Variants in CLSTN2 observed in about 807,000 individuals in gnomAD.
The protein encoded by CLSTN2 is calsyntenin-2.
CLSTN2 carries 48 observed loss-of-function variants against 101.2 expected under a neutral mutation model. The observed-to-expected ratio is 0.47, with a 90% CI of 0.38 to 0.60. The LOEUF (loss-of-function observed/expected upper bound fraction) is 0.60. CLSTN2 is among the 20% of genes least tolerant of loss of function. CLSTN2 has a pLI of 0.00. For missense variants in CLSTN2, 1,160 were observed against 1,238.2 expected (o/e 0.94, Z 0.95); for synonymous variants, 481 against 463.6 (o/e 1.04, Z -0.48).
chr3:140,134,840 A>T (rs2009577945), intron 1 of CLSTN2, among the ~76,000 whole-genome samples: 2 of 151,948 alleles, frequency 1.3e-5, no homozygotes, highest in Non-Finnish European at 2.9e-5. Context: ...CATCATATTC[A>T]TCAAGAGCTT....
At chr3:140,046,974 C>A (rs1218008236) in intron 1 of CLSTN2, among the ~76,000 whole-genome samples, 5 of 152,050 alleles carry the variant, frequency 3.3e-5, no homozygotes, top group Non-Finnish European at 7.4e-5. Context: ...TGAACATTTG[C>A]CTACCACGTA....
At chr3:140,437,394 C>T (rs2088699599) in intron 5 of CLSTN2, among the ~76,000 whole-genome samples, 2 of 152,198 alleles carry the variant, frequency 1.3e-5, no homozygotes, top group South Asian at 4.1e-4. Context: ...ATCTTCCACC[C>T]TTGGTGAGCT....
intron 2 of CLSTN2, among the ~76,000 whole-genome samples, chr3:140,329,529 C>G (rs1187605695): frequency 6.6e-6 from 1 of 152,064 alleles, no homozygotes; most frequent in African/African-American, 2.4e-5. Flanking sequence ...ATTCACAGAA[C>G]AAACTCTAAC....
chr3:140,269,558 C>CA (rs2086722995), intron 2 of CLSTN2, among the ~76,000 whole-genome samples: 1 of 152,166 alleles, frequency 6.6e-6, no homozygotes, highest in South Asian at 2.1e-4. Flanking sequence ...CAGAGAGGGC[C>CA]AAGCCTGTGG....
intron 4 of CLSTN2, among the ~76,000 whole-genome samples, chr3:140,419,095 T>G (rs2088464424): frequency 1.3e-5 from 2 of 152,064 alleles, no homozygotes; most frequent in African/African-American, 2.4e-5. Context: ...TCTTGTTTCA[T>G]TCCATGTTCT....
At chr3:140,250,639 C>T (rs2086555552) in intron 2 of CLSTN2, among the ~76,000 whole-genome samples, 1 of 152,186 alleles carries the variant, frequency 6.6e-6, no homozygotes, top group Non-Finnish European at 1.5e-5. Flanking sequence ...AGCAGACAGA[C>T]ATTTCTCCAC....
intron 1 of CLSTN2, among the ~76,000 whole-genome samples, chr3:140,065,538 T>C (rs141461640): frequency 7.9e-5 from 12 of 152,334 alleles, no homozygotes; most frequent in African/African-American, 2.9e-4. Context: ...GTAATTCCTA[T>C]GGACTTGAAT....
chr3:140,016,112 T>TAGTG (rs952675641), intron 1 of CLSTN2, among the ~76,000 whole-genome samples: 3 of 152,100 alleles, frequency 2.0e-5, no homozygotes, highest in African/African-American at 7.2e-5. Flanking sequence ...CTAGACAGGG[T>TAGTG]AGTGGCATGT....
chr3:140,328,167 T>C (rs766728400), intron 2 of CLSTN2, among the ~76,000 whole-genome samples: 14 of 152,246 alleles, frequency 9.2e-5, no homozygotes, highest in Non-Finnish European at 1.5e-4. Context: ...GGAGCTGGAC[T>C]CTGCTCCCAA....
chr3:140,060,538 A>G (rs2008186338), intron 1 of CLSTN2, among the ~76,000 whole-genome samples: 1 of 152,168 alleles, frequency 6.6e-6, no homozygotes, highest in African/African-American at 2.4e-5. Flanking sequence ...CAGCTCTGAC[A>G]CTTCCTGGCT....
intron 1 of CLSTN2, among the ~76,000 whole-genome samples, chr3:139,989,550 C>T (rs192640506): frequency 1.3e-5 from 2 of 152,290 alleles, no homozygotes; most frequent in East Asian, 3.9e-4. Flanking sequence ...TGCCCTCACT[C>T]CCCAGTAGTC....
chr3:140,149,520 A>T (rs2009830495), intron 1 of CLSTN2, among the ~76,000 whole-genome samples: 1 of 152,002 alleles, frequency 6.6e-6, no homozygotes, highest in East Asian at 1.9e-4. Context: ...CAGTGGCACG[A>T]TCTTGGCTCA....
chr3:140,079,612 A>G (rs1385333105), intron 1 of CLSTN2, among the ~76,000 whole-genome samples: 1 of 152,036 alleles, frequency 6.6e-6, no homozygotes, highest in Non-Finnish European at 1.5e-5. Flanking sequence ...TTAGCCGGGC[A>G]TGGTGGCACA....
rs998497430 is a variant in CLSTN2 at position 140,542,498 on chromosome 3, G to T, written c.1508-4017G>T. ...TGTTAACCAACAGAGGAGTCACGTGGCCTATGCAGCCCATGCAGACACCCT... is the reference window on the plus strand; with the variant it reads ...TGTTAACCAACAGAGGAGTCACGTGTCCTATGCAGCCCATGCAGACACCCT... On this transcript the variant is annotated intron_variant, in intron 9 of 16. Coordinates refer to ENST00000458420, the MANE Select transcript of CLSTN2 (RefSeq NM_022131.3). Among the ~76,000 whole-genome samples the T allele has an allele frequency of 3.3e-5, 5 of 152,072 alleles. No homozygotes were observed. The East Asian group carries it at 9.6e-4, about 29-fold the overall frequency.
At chr3:140,113,258 C>T (rs80219885) in intron 1 of CLSTN2, among the ~76,000 whole-genome samples, 2 of 152,284 alleles carry the variant, frequency 1.3e-5, no homozygotes, top group South Asian at 4.2e-4. Context: ...ATATCAAATT[C>T]TGAACATCCA....
At chr3:140,563,841 T>C in intron 15 of CLSTN2, 120 bp from the exon 16 acceptor site, 1 of 956,550 alleles carries the variant, frequency 1.0e-6, no homozygotes, top group Non-Finnish European at 1.6e-6. Flanking sequence ...TCTAGAGTTC[T>C]ACAGCTGGGA....
intron 2 of CLSTN2, among the ~76,000 whole-genome samples, chr3:140,312,732 G>C (rs1399047946): frequency 2.6e-5 from 4 of 152,178 alleles, no homozygotes; most frequent in Non-Finnish European, 5.9e-5. Context: ...ATTAATTTGA[G>C]TCAAGGAAAA....
intron 2 of CLSTN2, among the ~76,000 whole-genome samples, chr3:140,314,444 T>C (rs1438346869): frequency 1.3e-5 from 2 of 152,166 alleles, no homozygotes; most frequent in Non-Finnish European, 2.9e-5. Flanking sequence ...GCTCCCGTTA[T>C]ACTGGATGAG....
At chr3:140,011,632 G>T (rs1181429082) in intron 1 of CLSTN2, among the ~76,000 whole-genome samples, 3 of 152,152 alleles carry the variant, frequency 2.0e-5, no homozygotes, top group African/African-American at 7.2e-5. Flanking sequence ...TCTCTCCCTG[G>T]CCTCATCCTT....
Sources: allele counts gnomAD v4.1 joint callset (sites outside exome capture counted in the v4.1 genomes callset), GRCh38; gene constraint gnomAD v4.1.1; transcripts MANE v1.5; gene names NCBI Gene and HGNC (gene_info 2026-07-23, HGNC 2026-07-21).